The following TEX2 variants were observed in gnomAD, a reference collection of about 807,000 sequenced individuals.
TEX2 encodes testis expressed 2.
TEX2 carries 53 observed loss-of-function variants against 106.9 expected under a neutral mutation model. That is an observed-to-expected ratio of 0.50 (90% CI 0.40 to 0.62). The LOEUF is 0.62. TEX2 is among the 20% of genes least tolerant of loss of function. The pLI is 0.00. For missense variants in TEX2, 1,207 were observed against 1,379.0 expected (o/e 0.88, Z 1.98); for synonymous variants, 523 against 534.8 (o/e 0.98, Z 0.30).
At chr17:64,229,499 T>A (rs570478592) in intron 1 of TEX2, among the ~76,000 whole-genome samples, 1 of 145,480 alleles carries the variant, frequency 6.9e-6, no homozygotes, top group Non-Finnish European at 1.5e-5. Flanking sequence ...ATTGTATGGG[T>A]TTTTTTTTTA....
chr17:64,197,433 C>T (rs183491321), intron 2 of TEX2, among the ~76,000 whole-genome samples: 19 of 152,192 alleles, frequency 1.2e-4, no homozygotes, highest in African/African-American at 4.3e-4. Context: ...TCCCTATAAT[C>T]CTGTGAATAT....
In TEX2 at chr17:64,212,900, A is replaced by G; in HGVS notation, c.1318T>C (p.Ser440Pro). The G allele has an allele frequency of 2.5e-6, 4 of 1,614,190 alleles. No individual in the cohort carries two copies. The highest frequency in any genetic ancestry group is 3.4e-6 in the Non-Finnish European group (4 of 1,180,046). ...ACCTCTGGCTTGAGAGGAATATCTG[A>G]GAGCTTATCAACTTTACTCTCCCCC... The part of the protein sequence containing the change: ...TEGESKVDKL[S>P]DIPLKPEVLA... The change falls in exon 2 of 12, where the codon TCA becomes CCA. Residue 440 changes from serine (S) to proline (P), a missense_variant. Coordinates refer to ENST00000584379, the MANE Select transcript of TEX2 (RefSeq NM_001288732.2).
At position 64,154,941 on chromosome 17, in the gene TEX2, G is replaced by C. The variant is rs756216957; in HGVS notation, c.2831C>G (p.Ala944Gly). ...GCTGGAGGATTCCTCATCGCTGTCC[G>C]CCAGACAGAATGCCCGGGGCCTGCA... is the stretch of plus-strand genomic sequence containing the variant. ...EGCRPRAFCL[A>G]DSDEESSSAG... Residue 944 changes from alanine (A) to glycine (G), a missense_variant, in exon 9 of 12, where the codon GCG becomes GGG. By Grantham distance (60) the Ala-to-Gly change is moderately conservative (BLOSUM62 0). Coordinates refer to ENST00000584379, the MANE Select transcript of TEX2 (RefSeq NM_001288732.2). 1 of 1,600,738 alleles carries C rather than the reference G, an allele frequency of 6.2e-7. No individual in the cohort carries two copies. The highest frequency in any genetic ancestry group is 8.5e-7 in the Non-Finnish European group (1 of 1,175,636).
chr17:64,218,104 G>C (rs1290680970), intron 1 of TEX2, among the ~76,000 whole-genome samples: 2 of 152,090 alleles, frequency 1.3e-5, no homozygotes, highest in Admixed American at 6.5e-5. Flanking sequence ...TGAATGGCTG[G>C]GCACGGTGGC....
intron 2 of TEX2, among the ~76,000 whole-genome samples, chr17:64,198,488 T>A (rs1446516240): frequency 2.0e-5 from 3 of 152,136 alleles, no homozygotes; most frequent in African/African-American, 7.2e-5. Context: ...CTCTATTAGA[T>A]CAAAACAGCC....
intron 1 of TEX2, among the ~76,000 whole-genome samples, chr17:64,216,272 T>C (rs1555632639): frequency 6.6e-6 from 1 of 152,218 alleles, no homozygotes; most frequent in African/African-American, 2.4e-5. Flanking sequence ...AGAAGCAACA[T>C]ATGTTTTTCA....
intron 5 of TEX2, 134 bp downstream of exon 5, chr17:64,188,034 A>G: frequency 9.8e-7 from 1 of 1,024,496 alleles, no homozygotes; most frequent in Non-Finnish European, 1.4e-6. Flanking sequence ...CAAGTTCCCC[A>G]AAGGCAGGGT....
At chr17:64,236,553 T>G (rs2033772236) in intron 1 of TEX2, among the ~76,000 whole-genome samples, 1 of 152,110 alleles carries the variant, frequency 6.6e-6, no homozygotes, top group South Asian at 2.1e-4. Context: ...TTAATTAATT[T>G]AAAAATAAAG....
In TEX2 at chr17:64,211,510, T is replaced by A. The variant is rs374438158; in HGVS notation, c.1644+1064A>T. ...ATTGAAAATATGAAATTAAAAAAAA[T>A]AATAACAATCCAACAGTAAAAAAGA... is the stretch of plus-strand genomic sequence containing the variant. On this transcript the variant is annotated intron_variant, in intron 2 of 11. Coordinates refer to ENST00000584379, the MANE Select transcript of TEX2 (RefSeq NM_001288732.2). 2.4e-4 allele frequency among the ~76,000 whole-genome samples: 37 copies of A among 152,040 alleles called. 1 individual carries two copies. The highest frequency in any genetic ancestry group is 1.2e-3 in the East Asian group (6 of 5,190).
intron 1 of TEX2, among the ~76,000 whole-genome samples, chr17:64,254,194 T>G (rs2034143028): frequency 1.3e-5 from 2 of 152,198 alleles, no homozygotes; most frequent in African/African-American, 4.8e-5. Flanking sequence ...CCAGGAGACA[T>G]CATAGCATCA....
intron 4 of TEX2, 94 bp downstream of exon 4, chr17:64,193,465 T>G: frequency 3.7e-6 from 3 of 806,662 alleles, no homozygotes; most frequent in Non-Finnish European, 3.3e-6. Flanking sequence ...CAGGGTGGGC[T>G]TCCTTCCTTC....
intron 4 of TEX2, among the ~76,000 whole-genome samples, chr17:64,191,513 C>A (rs536463686): frequency 6.6e-6 from 1 of 152,170 alleles, no homozygotes; most frequent in East Asian, 1.9e-4. Flanking sequence ...TTCTAGTAGT[C>A]ACATTTAAAA....
intron 7 of TEX2, among the ~76,000 whole-genome samples, chr17:64,168,549 C>T (rs2031244509): frequency 6.6e-6 from 1 of 152,182 alleles, no homozygotes; most frequent in African/African-American, 2.4e-5. Context: ...GAATTTTACT[C>T]AAAGCCTGAC....
intron 4 of TEX2, among the ~76,000 whole-genome samples, chr17:64,190,587 C>T (rs2032260419): frequency 6.6e-6 from 1 of 152,148 alleles, no homozygotes; most frequent in Non-Finnish European, 1.5e-5. Context: ...GCACAGGAGT[C>T]GTCACTGCAC....
intron 8 of TEX2, among the ~76,000 whole-genome samples, chr17:64,158,190 A>C (rs1297911074): frequency 6.6e-6 from 1 of 152,254 alleles, no homozygotes; most frequent in Non-Finnish European, 1.5e-5. Context: ...AAAGCTACAC[A>C]GGTTAAAATC....
intron 5 of TEX2, among the ~76,000 whole-genome samples, chr17:64,186,501 G>A (rs892314780): frequency 2.6e-5 from 4 of 152,180 alleles, no homozygotes; most frequent in Non-Finnish European, 4.4e-5. Flanking sequence ...ATTAAGAACA[G>A]AAATACACAT....
At chr17:64,171,333 T>C (rs1281618361) in intron 6 of TEX2, 134 bp from the exon 7 acceptor site, 6 of 692,082 alleles carry the variant, frequency 8.7e-6, no homozygotes, top group Middle Eastern at 2.4e-4. Flanking sequence ...GAAAACGTAA[T>C]GTGCACACAT....
intron 5 of TEX2, among the ~76,000 whole-genome samples, chr17:64,181,824 A>AT (rs67787101): frequency 0.05 from 7,225 of 144,876 alleles, 338 homozygotes; most frequent in African/African-American, 0.13. Flanking sequence ...CTGGTTTTGT[A>AT]TTTTTTTTTT....
At chr17:64,244,684 C>T (rs1160681563) in intron 1 of TEX2, among the ~76,000 whole-genome samples, 1 of 152,100 alleles carries the variant, frequency 6.6e-6, no homozygotes, top group Non-Finnish European at 1.5e-5. Flanking sequence ...CAAACTGTAT[C>T]GCAGCTATTT....
Sources: allele counts gnomAD v4.1 joint callset (sites outside exome capture counted in the v4.1 genomes callset), GRCh38; gene constraint gnomAD v4.1.1; transcripts MANE v1.5; gene names NCBI Gene and HGNC (gene_info 2026-07-23, HGNC 2026-07-21).